Variants in CLCNKB observed in about 807,000 individuals in gnomAD.
CLCNKB encodes chloride channel protein ClC-Kb.
A neutral mutation model predicts 83.8 loss-of-function variants in CLCNKB; 74 were observed. The ratio of observed to expected loss-of-function variants is 0.88; its 90% CI spans 0.73 to 1.07. The LOEUF is 1.07. Among genes scored for constraint, CLCNKB ranks in the 50% least tolerant of loss-of-function variants. CLCNKB has a pLI of 0.00. For missense variants in CLCNKB, 798 were observed against 893.6 expected (o/e 0.89, Z 1.36); for synonymous variants, 358 against 356.6 (o/e 1.00, Z -0.04).
Position 16,053,706 on chromosome 1 carries a change from C to T in CLCNKB, c.1690C>T (p.Leu564=). The change falls in exon 16 of 20, where the codon CTG becomes TTG. Residue 564 remains leucine (L), a synonymous_variant. Coordinates refer to ENST00000375679, the MANE Select transcript of CLCNKB (RefSeq NM_000085.5). ...SITTLAKDMP[L]EEVVKVVTST... is the part of the protein sequence containing the mutation. ...CACCACACTGGCCAAGGACATGCCA[C>T]TGGAGGAGGTGGTCAAGGTTGTGAC... 6.2e-7 allele frequency: 1 copy of T among 1,613,974 alleles called. No homozygotes were observed. The highest frequency in any genetic ancestry group is 8.5e-7 in the Non-Finnish European group (1 of 1,180,016).
intron 9 of CLCNKB, 56 bp from the exon 10 acceptor site, chr1:16,049,759 A>T: frequency 6.2e-7 from 1 of 1,612,470 alleles, no homozygotes; most frequent in Non-Finnish European, 8.5e-7. Context: ...CAAGGCCTGG[A>T]CTGCGGCCCC....
rs1264036608 is a variant in CLCNKB at position 16,053,667 on chromosome 1, A to G, written c.1651A>G (p.Met551Val). 1 of 1,613,976 alleles carries G rather than the reference A, an allele frequency of 6.2e-7. No homozygotes were observed. Among genetic ancestry groups the G allele is most frequent in the Non-Finnish European group, 8.5e-7 (1 of 1,180,016 alleles). ...CCACCGCGTGAGGGTGGAGCACTTC[A>G]TGAACCACAGCATCACCACACTGGC... ...GSHRVRVEHF[M>V]NHSITTLAKD... The change falls in exon 16 of 20, where the codon ATG becomes GTG. Residue 551 changes from methionine to valine, a missense_variant. Transcript: ENST00000375679.
rs138768237 is a variant in CLCNKB at position 16,045,562 on chromosome 1, C to G, written c.105C>G (p.Gly35=). The G allele has an allele frequency of 6.2e-7, 1 of 1,613,328 alleles. No homozygotes were observed. Among genetic ancestry groups the G allele is most frequent in the African/African-American group, 1.3e-5 (1 of 74,890 alleles). Residue 35 remains glycine (G), a synonymous_variant, in exon 3 of 20, where the codon GGC becomes GGG. Coordinates refer to ENST00000375679, the MANE Select transcript of CLCNKB (RefSeq NM_000085.5). ...CPRIRRGIRG[G]LEWLKQKLFR... is the part of the protein sequence containing the mutation. ...TGACCCCATGCCCTGCCCCAGGTGG[C>G]CTGGAGTGGCTGAAGCAGAAGCTCT...
Position 16,048,388 on chromosome 1 carries a change from C to A in CLCNKB, c.544C>A (p.Arg182Ser). The change falls in exon 6 of 20, where the codon CGT (arginine) becomes AGT (serine). Residue 182 changes from arginine (R) to serine (S), a missense_variant. Transcript: ENST00000375679. ...TGTGATGATGGCTGCCTACCTGGGC[C>A]GTGTGCGCACCACGACCATCGGGGA... The part of the protein sequence containing the change: ...LSVMMAAYLG[R>S]VRTTTIGEPE... 3 of 1,613,952 alleles carry A rather than the reference C, an allele frequency of 1.9e-6. No homozygotes were observed. Among genetic ancestry groups the A allele is most frequent in the Non-Finnish European group, 2.5e-6 (3 of 1,180,006 alleles).
intron 10 of CLCNKB, 53 bp from the exon 11 acceptor site, chr1:16,050,463 C>T: frequency 6.3e-7 from 1 of 1,585,778 alleles, no homozygotes; most frequent in Non-Finnish European, 8.7e-7. Context: ...CTTCCCTCTC[C>T]TTGGGATGTG....
intron 4 of CLCNKB, 96 bp from the exon 5 acceptor site, chr1:16,047,809 T>A: frequency 7.2e-7 from 1 of 1,388,422 alleles, no homozygotes; most frequent in Non-Finnish European, 1.0e-6. Flanking sequence ...TCTGCTGATC[T>A]GGCGAGATCG....
chr1:16,043,833 G>A lies in CLCNKB; in HGVS notation c.-55G>A, dbSNP rs1397980828. The A allele has an allele frequency of 6.6e-6, 1 of 152,314 alleles. No individual in the cohort carries two copies. Among genetic ancestry groups the A allele is most frequent in the East Asian group, 1.9e-4 (1 of 5,188 alleles). 9.4% of individuals were successfully genotyped at this position (152,314 alleles called of 1,614,324 possible). A position where few individuals can be genotyped will look rare whatever the true frequency, so the allele number is the denominator to read the frequency against. ...CCTGTCCAGGTGCAGGGGAGCTGGA[G>A]GCTCTGTGAGAGGAGGGCCAGCTCA... is the stretch of plus-strand genomic sequence containing the variant. On this transcript the variant is annotated 5_prime_UTR_variant, in exon 1 of 20. Coordinates refer to ENST00000375679, the MANE Select transcript of CLCNKB (RefSeq NM_000085.5).
rs1459273386 is a variant in CLCNKB at position 16,047,952 on chromosome 1, G to A, written c.406G>A (p.Glu136Lys). 1.2e-6 allele frequency: 2 copies of A among 1,613,998 alleles called. No homozygotes were observed. The highest frequency in any genetic ancestry group is 2.7e-5 in the African/African-American group (2 of 74,894). The part of the protein sequence containing the change: ...VKTMLAGVVL[E>K]DYLDIKNFGA... The stretch of plus-strand genomic sequence containing the variant: ...GACCATGTTGGCGGGTGTGGTCTTG[G>A]AGGACTACCTGGATATCAAGAACTT... Residue 136 changes from glutamate (E) to lysine (K), a missense_variant, in exon 5 of 20, where the codon GAG (glutamate) becomes AAG (lysine). Transcript: ENST00000375679.
At position 16,048,055 on chromosome 1, in the gene CLCNKB, G is replaced by A. The variant is rs781407924; in HGVS notation, c.498+11G>A. 1.7e-5 allele frequency: 27 copies of A among 1,611,176 alleles called. 1 individual carries two copies. In the South Asian group the frequency reaches 3.0e-4, roughly 18 times the overall value. On this transcript the variant is annotated intron_variant, in intron 5 of 19. Coordinates refer to ENST00000375679, the MANE Select transcript of CLCNKB (RefSeq NM_000085.5). The stretch of plus-strand genomic sequence containing the variant: ...TTCCTCGGGAAAGTGGTATGGGCAG[G>A]GGTGAGGGCATCCCAACCACCCTAC...
chr1:16,051,391 C>T, intron 12 of CLCNKB, 87 bp from the exon 13 acceptor site: 1 of 1,500,824 alleles, frequency 6.7e-7, no homozygotes, highest in Non-Finnish European at 9.3e-7. Flanking sequence ...CTCTCTAGGA[C>T]ACTCCCCTGT....
intron 1 of CLCNKB, 58 bp downstream of exon 1, chr1:16,043,938 G>GA (rs59346437): frequency 1.7e-5 from 1 of 59,684 alleles, no homozygotes; most frequent in African/African-American, 4.8e-5. Context: ...AGGGCGGGGG[G>GA]GGGGGGGTGG....
At chr1:16,047,871 T>G (rs775179803) in intron 4 of CLCNKB, 34 bp from the exon 5 acceptor site, 52 of 1,610,884 alleles carry the variant, frequency 3.2e-5, no homozygotes, top group Non-Finnish European at 4.3e-5. Flanking sequence ...ACCTAGAGAT[T>G]GTCCCCCTCC....
intron 15 of CLCNKB, 103 bp downstream of exon 15, chr1:16,052,514 G>A (rs577791393): frequency 7.1e-7 from 1 of 1,401,510 alleles, no homozygotes; most frequent in African/African-American, 1.4e-5. Context: ...AGCTGACCTC[G>A]GACATGGGGG....
At chr1:16,051,390 A>T in intron 12 of CLCNKB, 88 bp from the exon 13 acceptor site, 1 of 1,499,518 alleles carries the variant, frequency 6.7e-7, no homozygotes, top group Non-Finnish European at 9.3e-7. Flanking sequence ...TCTCTCTAGG[A>T]CACTCCCCTG....
intron 3 of CLCNKB, among the ~76,000 whole-genome samples, 157 bp from the exon 4 acceptor site, chr1:16,046,378 G>A (rs1188821042): frequency 2.0e-5 from 3 of 152,100 alleles, no homozygotes; most frequent in Admixed American, 6.5e-5. Context: ...ACCCAGGGTC[G>A]TACTCCTGCC....
chr1:16,046,612 C>G lies in CLCNKB; in HGVS notation c.307C>G (p.Leu103Val). ...YLSWTVYPVA[L>V]VSFSSGFSQS... is the part of the protein sequence containing the mutation. ...CTCCTGGACTGTGTACCCTGTGGCC[C>G]TCGTCTCTTTCTCTTCAGGCTTCTC... The change falls in exon 4 of 20, where the codon CTC (leucine) becomes GTC (valine). Residue 103 changes from leucine (L) to valine (V), a missense_variant. Physicochemically the swap from Leu to Val is conservative, Grantham distance 32. Coordinates refer to ENST00000375679, the MANE Select transcript of CLCNKB (RefSeq NM_000085.5). 1 of 1,614,162 alleles carries G rather than the reference C, an allele frequency of 6.2e-7. No individual in the cohort carries two copies. The highest frequency in any genetic ancestry group is 1.1e-5 in the South Asian group (1 of 91,084).
rs1259678855 is a variant in CLCNKB, at chr1:16,051,595, A to G, written c.1297+48A>G. On this transcript the variant is annotated intron_variant, in intron 13 of 19. Transcript: ENST00000375679. ...CTGAGAGTTTCGGGGTTCTTGGGGC[A>G]GGACCATGGCTCCTGGTTCACCCTC... The G allele has an allele frequency of 5.0e-6, 8 of 1,610,800 alleles. No individual in the cohort carries two copies. The African/African-American group carries it at 8.0e-5, about 16-fold the overall frequency.
At chr1:16,047,833 T>C in intron 4 of CLCNKB, 72 bp from the exon 5 acceptor site, 1 of 1,515,474 alleles carries the variant, frequency 6.6e-7, no homozygotes, top group Non-Finnish European at 9.2e-7. Flanking sequence ...TGTGAAAACA[T>C]CACACAGGTA....
chr1:16,056,741 G>A (rs2023455284), intron 19 of CLCNKB, 128 bp from the exon 20 acceptor site: 7 of 970,150 alleles, frequency 7.2e-6, no homozygotes, highest in East Asian at 5.2e-5. Flanking sequence ...GATCCCATCT[G>A]TGCAATGGGG....
Sources: allele counts gnomAD v4.1 joint callset (sites outside exome capture counted in the v4.1 genomes callset), GRCh38; gene constraint gnomAD v4.1.1; transcripts MANE v1.5; gene names NCBI Gene and HGNC (gene_info 2026-07-23, HGNC 2026-07-21).